Variants in HSD17B4 observed in about 807,000 individuals in gnomAD.
HSD17B4 encodes hydroxysteroid 17-beta dehydrogenase 4, also known as peroxisomal multifunctional enzyme type 2.
In HSD17B4, 70 loss-of-function variants were observed where a neutral mutation model predicts 101.0. The observed-to-expected ratio is 0.69, with a 90% CI of 0.57 to 0.85. HSD17B4 has a LOEUF of 0.85. Among genes scored for constraint, HSD17B4 ranks in the 40% least tolerant of loss-of-function variants. HSD17B4 has a pLI of 0.00. For missense variants in HSD17B4, 984 were observed against 892.4 expected, an observed-to-expected ratio of 1.10 and a Z score of -1.31; for synonymous variants, 347 against 297.1, an observed-to-expected ratio of 1.17 and a Z score of -1.73.
chr5:119,526,928 C>G (rs1185170048), intron 19 of HSD17B4, among the ~76,000 whole-genome samples: 1 of 151,876 alleles, frequency 6.6e-6, no homozygotes, highest in African/African-American at 2.4e-5. Context: ...CTTTGAAAGA[C>G]AAAGAATTGG....
chr5:119,457,017 G>A (rs1754746409), intron 2 of HSD17B4, among the ~76,000 whole-genome samples: 1 of 152,078 alleles, frequency 6.6e-6, no homozygotes, highest in Admixed American at 6.5e-5. Flanking sequence ...TAATTGAGGG[G>A]GCAGTTACAT....
Position 119,499,360 on chromosome 5 carries a change from A to G in HSD17B4, c.1016A>G (p.Tyr339Cys), listed in dbSNP as rs2126780758. The change falls in exon 13 of 24, where the codon TAT (tyrosine) becomes TGT (cysteine). Residue 339 changes from tyrosine to cysteine, a missense_variant. Physicochemically the swap from Tyr to Cys is radical, Grantham distance 194. Coordinates refer to ENST00000510025, the MANE Select transcript of HSD17B4 (RefSeq NM_000414.4). The part of the protein sequence containing the change: ...GQKLPPFSYA[Y>C]TELEAIMYAL... The stretch of plus-strand genomic sequence containing the variant: ...AAACTCCCTCCATTTTCTTATGCTT[A>G]TACGGAACTGGAAGCTATTATGTAT... 1.9e-6 allele frequency: 3 copies of G among 1,613,932 alleles called. No homozygotes were observed. Among genetic ancestry groups the G allele is most frequent in the Non-Finnish European group, 1.7e-6 (2 of 1,179,862 alleles).
chr5:119,481,801 T>G (rs1749161216), intron 8 of HSD17B4, among the ~76,000 whole-genome samples: 1 of 152,198 alleles, frequency 6.6e-6, no homozygotes, highest in African/African-American at 2.4e-5. Flanking sequence ...TAAAGTGGAA[T>G]ATAATAAAAT....
chr5:119,495,004 T>C (rs1750498528), intron 11 of HSD17B4, among the ~76,000 whole-genome samples: 1 of 151,818 alleles, frequency 6.6e-6, no homozygotes, highest in Non-Finnish European at 1.5e-5. Flanking sequence ...TATTTAAAGT[T>C]TGATAGAAGA....
chr5:119,509,025 T>C, intron 15 of HSD17B4, 116 bp from the exon 16 acceptor site: 1 of 693,812 alleles, frequency 1.4e-6, no homozygotes, highest in South Asian at 1.6e-5. Context: ...TAGAACTCTT[T>C]CAGTAATTGG....
intron 16 of HSD17B4, among the ~76,000 whole-genome samples, chr5:119,512,106 C>T (rs1353855857): frequency 2.0e-5 from 3 of 151,478 alleles, no homozygotes; most frequent in Admixed American, 2.0e-4. Context: ...GTAGATTTGA[C>T]AAAAGAAAGA....
intron 8 of HSD17B4, among the ~76,000 whole-genome samples, chr5:119,483,715 A>T (rs1170350817): frequency 6.6e-6 from 1 of 152,278 alleles, no homozygotes; most frequent in East Asian, 1.9e-4. Flanking sequence ...CAAATGGTCA[A>T]CAGCCAATTT....
intron 2 of HSD17B4, among the ~76,000 whole-genome samples, chr5:119,458,181 G>A (rs1754859432): frequency 6.6e-6 from 1 of 152,126 alleles, no homozygotes; most frequent in South Asian, 2.1e-4. Context: ...CTTGAATGAA[G>A]AGCCAGATTT....
At chr5:119,477,296 G>T in intron 6 of HSD17B4, 121 bp from the exon 7 acceptor site, 1 of 715,384 alleles carries the variant, frequency 1.4e-6, no homozygotes, top group Non-Finnish European at 2.5e-6. Context: ...GTGACAGTAG[G>T]CAATTTTATA....
intron 15 of HSD17B4, among the ~76,000 whole-genome samples, chr5:119,508,484 G>A (rs1426480777): frequency 1.3e-5 from 2 of 152,030 alleles, no homozygotes; most frequent in Non-Finnish European, 2.9e-5. Flanking sequence ...TTCTAGTTTT[G>A]CAGAGCTAGA....
chr5:119,515,014 G>T lies in HSD17B4; in HGVS notation c.1471G>T (p.Ala491Ser), dbSNP rs28943591. The change falls in exon 17 of 24, where the codon GCT becomes TCT. Residue 491 changes from alanine to serine, a missense_variant. By Grantham distance (99) the Ala-to-Ser change is moderately conservative (BLOSUM62 1). Transcript: ENST00000510025. ...AVAIPNRPPD[A>S]VLTDTTSLNQ... is the part of the protein sequence containing the mutation. ...AGCCATACCTAATAGACCTCCTGATGCTGTACTTACAGATACCACCTCTCT... is the reference window on the plus strand; with the variant it reads ...AGCCATACCTAATAGACCTCCTGATTCTGTACTTACAGATACCACCTCTCT... The T allele has an allele frequency of 6.3e-6, 10 of 1,586,118 alleles. No individual in the cohort carries two copies.
At chr5:119,530,352 C>A (rs573812006) in intron 21 of HSD17B4, among the ~76,000 whole-genome samples, 9 of 152,020 alleles carry the variant, frequency 5.9e-5, no homozygotes, top group Non-Finnish European at 1.2e-4. Context: ...GTTTTGTATG[C>A]AAATATATAA....
chr5:119,499,622 TTA>T, intron 13 of HSD17B4, 69 bp downstream of exon 13: 1 of 844,244 alleles, frequency 1.2e-6, no homozygotes, highest in Non-Finnish European at 2.1e-6. Flanking sequence ...ATGTCATATC[TTA>T]TATATATGTG....
In HSD17B4 at chr5:119,542,089, T is replaced by TTA. The variant is rs1755046586; in HGVS notation, c.*95_*96insTA. On this transcript the variant is annotated 3_prime_UTR_variant, in exon 24 of 24. Transcript: ENST00000510025. The stretch of plus-strand genomic sequence containing the variant: ...TCTGCAAAAGTGATTAGAACTAAGA[T>TTA]GCAGGGGAAATTGCTTAACATTTTC... 1.2e-6 allele frequency: 1 copy of TTA among 829,578 alleles called. No homozygotes were observed. Among genetic ancestry groups the TTA allele is most frequent in the African/African-American group, 1.7e-5 (1 of 59,134 alleles). 51.4% of individuals were successfully genotyped at this position (829,578 alleles called of 1,614,324 possible).
rs1748314832 is a variant in HSD17B4, at chr5:119,473,993, T to C, written c.198T>C (p.Gly66=). Residue 66 remains glycine, a synonymous_variant, in exon 3 of 24, where the codon GGT becomes GGC. Transcript: ENST00000510025. ...DKVVEEIRRR[G]GKAVANYDSV... ...TTGTTGAAGAAATAAGAAGGAGAGG[T>C]GGAAAAGCAGTGGCCAACTATGGTA... 3 of 1,605,000 alleles carry C rather than the reference T, an allele frequency of 1.9e-6. No homozygotes were observed. In the East Asian group the frequency reaches 6.7e-5, roughly 36 times the overall value.
At chr5:119,471,593 C>T in intron 2 of HSD17B4, 1 of 816,832 alleles carries the variant, frequency 1.2e-6, no homozygotes, top group Non-Finnish European at 1.8e-6. Flanking sequence ...TTCATGTATA[C>T]CATTATGCTA....
At chr5:119,453,221 T>G (rs550189336) in intron 1 of HSD17B4, among the ~76,000 whole-genome samples, 3 of 152,288 alleles carry the variant, frequency 2.0e-5, no homozygotes, top group African/African-American at 7.2e-5. Flanking sequence ...CGAAATCCAC[T>G]GGAGTCTTGG....
intron 7 of HSD17B4, among the ~76,000 whole-genome samples, chr5:119,478,616 C>G (rs1748820569): frequency 6.6e-6 from 1 of 152,032 alleles, no homozygotes; most frequent in African/African-American, 2.4e-5. Flanking sequence ...TTGGTTCTGG[C>G]CAGAGAATCT....
chr5:119,482,482 T>C (rs1749228814), intron 8 of HSD17B4, among the ~76,000 whole-genome samples: 1 of 152,164 alleles, frequency 6.6e-6, no homozygotes, highest in Non-Finnish European at 1.5e-5. Context: ...CTTTAGCCTG[T>C]GCTTTTTCTT....
Sources: allele counts gnomAD v4.1 joint callset (sites outside exome capture counted in the v4.1 genomes callset), GRCh38; gene constraint gnomAD v4.1.1; transcripts MANE v1.5; gene names NCBI Gene and HGNC (gene_info 2026-07-23, HGNC 2026-07-21).